The following OTOGL variants were observed in gnomAD, a reference collection of about 807,000 sequenced individuals.
The protein encoded by OTOGL is otogelin-like protein.
Under a neutral mutation model 318.5 loss-of-function variants are expected in OTOGL, and 285 were observed. The observed-to-expected ratio is 0.89, with a 90% CI of 0.81 to 0.99. The LOEUF (loss-of-function observed/expected upper bound fraction) is 0.99, where lower values mean the gene tolerates loss of function less well. Ranked by LOEUF, OTOGL falls within the 50% of genes least tolerant of loss-of-function variation. The pLI is 0.00. For missense variants in OTOGL, 2,899 were observed against 2,845.6 expected (o/e 1.02, Z -0.43); for synonymous variants, 987 against 936.5 (o/e 1.05, Z -0.99).
intron 26 of OTOGL, among the ~76,000 whole-genome samples, chr12:80,295,485 C>T (rs1472137650): frequency 2.0e-5 from 3 of 152,118 alleles, no homozygotes; most frequent in Admixed American, 1.3e-4. Flanking sequence ...CCTATGATTG[C>T]CAAACATTTA....
intron 35 of OTOGL, among the ~76,000 whole-genome samples, chr12:80,326,003 CGAT>C (rs1168973070): frequency 6.6e-6 from 1 of 152,116 alleles, no homozygotes; most frequent in Non-Finnish European, 1.5e-5. Flanking sequence ...AAGAGACTCA[CGAT>C]GAAACTTCGC....
intron 7 of OTOGL, among the ~76,000 whole-genome samples, chr12:80,227,623 CTT>C (rs993499972): frequency 6.6e-6 from 1 of 152,240 alleles, no homozygotes; most frequent in Non-Finnish European, 1.5e-5. Context: ...ATCTATATGT[CTT>C]TTTTTCCATT....
rs181718094 is a variant in OTOGL, at chr12:80,317,895, T to C, written c.3635-651T>C. Reference sequence around the variant, plus strand: ...TGTGGGGGCAAAGCTGTTTCAGGTTTCTATCTCTCTACAGGGTACCAAAGT... The same window carrying C: ...TGTGGGGGCAAAGCTGTTTCAGGTTCCTATCTCTCTACAGGGTACCAAAGT... On this transcript the variant is annotated intron_variant, in intron 32 of 58. Transcript: ENST00000547103. Among the ~76,000 whole-genome samples the C allele has an allele frequency of 7.2e-5, 11 of 152,266 alleles. No individual in the cohort carries two copies. The East Asian group carries it at 1.3e-3, about 19-fold the overall frequency.
chr12:80,249,821 C>T (rs11114369), intron 11 of OTOGL, among the ~76,000 whole-genome samples: 10,665 of 152,086 alleles, frequency 0.07, 474 homozygotes, highest in East Asian at 0.14. Context: ...AGTGAGACTC[C>T]GTGGGCGTAG....
chr12:80,224,296 T>C (rs1387951992), intron 7 of OTOGL, among the ~76,000 whole-genome samples: 1 of 152,200 alleles, frequency 6.6e-6, no homozygotes, highest in Non-Finnish European at 1.5e-5. Context: ...TTAATACCAG[T>C]ACCATGCTGT....
Position 80,378,419 on chromosome 12 carries a change from CA to C in OTOGL, c.*374del, listed in dbSNP as rs1285753222. On this transcript the variant is annotated 3_prime_UTR_variant, in exon 59 of 59. Coordinates refer to ENST00000547103, the MANE Select transcript of OTOGL (RefSeq NM_001378609.3). Reference sequence around the variant, plus strand: ...ATTTGCAAAGTCTGCTATAGCTATCCAAATTAAGGTACCCTTTAATATGTAC... The same window carrying C: ...ATTTGCAAAGTCTGCTATAGCTATCCAATTAAGGTACCCTTTAATATGTAC... The C allele has an allele frequency of 5.6e-6, 1 of 177,032 alleles. No individual in the cohort carries two copies. Among genetic ancestry groups the C allele is most frequent in the African/African-American group, 2.4e-5 (1 of 41,866 alleles). The allele number at this position is 177,032 out of a possible 1,614,324, so 11.0% of individuals were successfully genotyped here. A position where few individuals can be genotyped will look rare whatever the true frequency, so the allele number is the denominator to read the frequency against.
chr12:80,231,163 A>G (rs1414126463), intron 8 of OTOGL, among the ~76,000 whole-genome samples: 1 of 152,218 alleles, frequency 6.6e-6, no homozygotes. Flanking sequence ...ATTTATAAAC[A>G]AGATTCACTT....
chr12:80,121,937 A>C (rs565867416), intron 1 of OTOGL, among the ~76,000 whole-genome samples: 26 of 152,298 alleles, frequency 1.7e-4, no homozygotes, highest in African/African-American at 5.5e-4. Flanking sequence ...AGTGACACAC[A>C]CTTATAATTT....
At chr12:80,136,096 A>C (rs912169850) in intron 1 of OTOGL, among the ~76,000 whole-genome samples, 1 of 152,196 alleles carries the variant, frequency 6.6e-6, no homozygotes, top group Non-Finnish European at 1.5e-5. Flanking sequence ...TTTCTCTGGA[A>C]AACCTTGATG....
Position 80,355,960 on chromosome 12 carries a change from G to T in OTOGL, c.5806+12G>T. 6.2e-7 allele frequency: 1 copy of T among 1,610,832 alleles called. No homozygotes were observed. Among genetic ancestry groups the T allele is most frequent in the Middle Eastern group, 1.7e-4 (1 of 6,052 alleles). On this transcript the variant is annotated intron_variant, in intron 47 of 58. Coordinates refer to ENST00000547103, the MANE Select transcript of OTOGL (RefSeq NM_001378609.3). The stretch of plus-strand genomic sequence containing the variant: ...AAAGGAAGTTTGTGGTATGTATGCA[G>T]AAGCCTTATAGTCAATTGATTCCAC...
intron 55 of OTOGL, 111 bp downstream of exon 55, chr12:80,368,420 C>G: frequency 1.6e-6 from 1 of 623,964 alleles, no homozygotes; most frequent in Non-Finnish European, 2.8e-6. Context: ...ACAATAAACA[C>G]AGTACACCTA....
intron 26 of OTOGL, among the ~76,000 whole-genome samples, chr12:80,282,346 A>G (rs1021355600): frequency 7.9e-5 from 12 of 151,922 alleles, no homozygotes; most frequent in Admixed American, 7.2e-4. Flanking sequence ...ATAAAAAATG[A>G]ATAGTAAAAT....
chr12:80,345,625 A>G (rs1889149214), intron 44 of OTOGL, among the ~76,000 whole-genome samples: 1 of 152,188 alleles, frequency 6.6e-6, no homozygotes, highest in Non-Finnish European at 1.5e-5. Flanking sequence ...AATAATGTAA[A>G]TGGATTATTT....
intron 4 of OTOGL, among the ~76,000 whole-genome samples, chr12:80,216,895 T>C (rs183746081): frequency 5.3e-5 from 8 of 152,248 alleles, no homozygotes; most frequent in African/African-American, 9.6e-5. Context: ...CATGTATACA[T>C]ATGTAACAAA....
At chr12:80,361,744 TA>T (rs1224525860) in intron 52 of OTOGL, among the ~76,000 whole-genome samples, 1 of 152,222 alleles carries the variant, frequency 6.6e-6, no homozygotes, top group Non-Finnish European at 1.5e-5. Flanking sequence ...TTAAGCATTT[TA>T]AAATATACTT....
At chr12:80,310,475 G>T (rs1434794921) in intron 29 of OTOGL, 136 bp from the exon 30 acceptor site, 1 of 605,792 alleles carries the variant, frequency 1.7e-6, no homozygotes, top group Non-Finnish European at 2.9e-6. Flanking sequence ...GATGTGAGCA[G>T]GTGCTTTACG....
intron 1 of OTOGL, among the ~76,000 whole-genome samples, chr12:80,114,112 CTTTAAT>C (rs1344994608): frequency 1.3e-5 from 2 of 151,892 alleles, no homozygotes; most frequent in African/African-American, 4.8e-5. Context: ...ACCCATTTAC[CTTTAAT>C]TTTAATATTG....
intron 1 of OTOGL, among the ~76,000 whole-genome samples, chr12:80,112,487 A>G (rs1869900326): frequency 6.6e-6 from 1 of 152,186 alleles, no homozygotes; most frequent in South Asian, 2.1e-4. Flanking sequence ...CCTTTTCTGC[A>G]TCTATCGAGA....
intron 1 of OTOGL, among the ~76,000 whole-genome samples, chr12:80,115,519 G>A: frequency 6.6e-6 from 1 of 152,088 alleles, no homozygotes; most frequent in East Asian, 1.9e-4. Flanking sequence ...CAGTAGGCAT[G>A]GGGGTCAGGG....
Sources: allele counts gnomAD v4.1 joint callset (sites outside exome capture counted in the v4.1 genomes callset), GRCh38; gene constraint gnomAD v4.1.1; transcripts MANE v1.5; gene names NCBI Gene and HGNC (gene_info 2026-07-23, HGNC 2026-07-21).